The following LRP1B variants were observed in gnomAD, a reference collection of about 807,000 sequenced individuals.
The protein encoded by LRP1B is low-density lipoprotein receptor-related protein 1B.
Under a neutral mutation model 556.6 loss-of-function variants are expected in LRP1B, and 217 were observed. The observed-to-expected ratio is 0.39, with a 90% CI of 0.35 to 0.44. The LOEUF is 0.44. LRP1B is among the 20% of genes least tolerant of loss of function. The pLI is 1.00. For synonymous variants in LRP1B, 2,047 were observed against 1,865.8 expected (o/e 1.10, Z -2.50); for missense variants, 5,053 against 5,620.8 (o/e 0.90, Z 3.23).
At chr2:141,468,250 G>C (rs1011030699) in intron 3 of LRP1B, among the ~76,000 whole-genome samples, 40 of 152,146 alleles carry the variant, frequency 2.6e-4, no homozygotes, top group Admixed American at 2.6e-4. Context: ...TGGAACTGAA[G>C]TCATTGGCGG....
chr2:141,560,186 A>C (rs1445102799), intron 2 of LRP1B, among the ~76,000 whole-genome samples: 1 of 151,742 alleles, frequency 6.6e-6, no homozygotes, highest in Non-Finnish European at 1.5e-5. Context: ...TAGCTACCTA[A>C]CTATTCCATC....
chr2:140,286,451 C>G (rs1440899177), intron 84 of LRP1B, among the ~76,000 whole-genome samples: 1 of 151,782 alleles, frequency 6.6e-6, no homozygotes, highest in Non-Finnish European at 1.5e-5. Flanking sequence ...AAAACAGACA[C>G]TCAGATGCTG....
intron 3 of LRP1B, among the ~76,000 whole-genome samples, chr2:141,261,043 T>G (rs182410833): frequency 6.6e-6 from 1 of 152,182 alleles, no homozygotes; most frequent in Non-Finnish European, 1.5e-5. Context: ...ATTGAAAAGC[T>G]GACACAGCTA....
At chr2:141,320,325 G>A (rs1428271988) in intron 3 of LRP1B, among the ~76,000 whole-genome samples, 5 of 152,004 alleles carry the variant, frequency 3.3e-5, no homozygotes, top group African/African-American at 1.2e-4. Context: ...TGAGTGCGCA[G>A]TAAGGAAATA....
At chr2:141,335,966 T>G (rs955711541) in intron 3 of LRP1B, among the ~76,000 whole-genome samples, 1 of 152,054 alleles carries the variant, frequency 6.6e-6, no homozygotes, top group Non-Finnish European at 1.5e-5. Flanking sequence ...AACACATATG[T>G]TTTTACTTGT....
At chr2:140,398,557 C>A (rs1684356787) in intron 66 of LRP1B, among the ~76,000 whole-genome samples, 1 of 142,404 alleles carries the variant, frequency 7.0e-6, no homozygotes, top group African/African-American at 2.6e-5. Context: ...GAAAGGGTGT[C>A]TTCCTGTTAC....
chr2:141,316,425 C>T lies in LRP1B; in HGVS notation c.344-61784G>A, dbSNP rs188738751. Among the ~76,000 whole-genome samples, 611 of 152,168 alleles carry T rather than the reference C, an allele frequency of 4.0e-3. 2 individuals are homozygous for T. The highest frequency in any genetic ancestry group is 0.014 in the African/African-American group (562 of 41,476). On this transcript the variant is annotated intron_variant, in intron 3 of 90. Coordinates refer to ENST00000389484, the MANE Select transcript of LRP1B (RefSeq NM_018557.3). ...AGAGTTTTCAATATCCTTTTCATTT[C>T]CATTGTATCACTTTAAAAGAGAACA...
intron 89 of LRP1B, among the ~76,000 whole-genome samples, chr2:140,235,236 C>T (rs998357375): frequency 6.6e-6 from 1 of 151,088 alleles, no homozygotes; most frequent in Non-Finnish European, 1.5e-5. Context: ...TCTGTGGTTA[C>T]CCCCATAGTC....
At chr2:141,740,692 C>T (rs983428981) in intron 2 of LRP1B, among the ~76,000 whole-genome samples, 1 of 152,140 alleles carries the variant, frequency 6.6e-6, no homozygotes, top group Non-Finnish European at 1.5e-5. Flanking sequence ...TTCATTCTTT[C>T]TAGCAATTGC....
rs761868923 is a variant in LRP1B, at chr2:140,525,859, C to T, written c.8011G>A (p.Glu2671Lys). Residue 2671 changes from glutamate (E) to lysine (K), a missense_variant, in exon 49 of 91, where the codon GAA becomes AAA. Coordinates refer to ENST00000389484, the MANE Select transcript of LRP1B (RefSeq NM_018557.3). ...CTAGTATTACCTGGGCACTTTAATTCATCTGAATAGTCTCCACAGTCATTA... is the reference window on the plus strand; with the variant it reads ...CTAGTATTACCTGGGCACTTTAATTTATCTGAATAGTCTCCACAGTCATTA... ...GSNDCGDYSD[E>K]LKCPVQNKHK... 6.2e-7 allele frequency: 1 copy of T among 1,611,676 alleles called. No individual in the cohort carries two copies. Among genetic ancestry groups the T allele is most frequent in the Non-Finnish European group, 8.5e-7 (1 of 1,178,528 alleles).
At chr2:140,470,826 T>C (rs563828411) in intron 60 of LRP1B, among the ~76,000 whole-genome samples, 1 of 152,150 alleles carries the variant, frequency 6.6e-6, no homozygotes, top group South Asian at 2.1e-4. Context: ...TGTTCAGGGT[T>C]AATAAGCTAG....
Position 140,776,088 on chromosome 2 carries a change from T to C in LRP1B, c.5500+10A>G, listed in dbSNP as rs559298031. 8 of 1,548,280 alleles carry C rather than the reference T, an allele frequency of 5.2e-6. No homozygotes were observed. The African/African-American group carries it at 7.2e-5, about 14-fold the overall frequency. On this transcript the variant is annotated intron_variant, in intron 33 of 90. Coordinates refer to ENST00000389484, the MANE Select transcript of LRP1B (RefSeq NM_018557.3). Reference sequence around the variant, plus strand: ...TCAAGACCTGGCACAAATTCATTAGTGTGATTTACCTTGCTGTGCTTCTTT... The same window carrying C: ...TCAAGACCTGGCACAAATTCATTAGCGTGATTTACCTTGCTGTGCTTCTTT...
chr2:140,706,960 T>A (rs901673783), intron 37 of LRP1B, among the ~76,000 whole-genome samples: 7 of 152,004 alleles, frequency 4.6e-5, no homozygotes, highest in Admixed American at 4.6e-4. Context: ...GTGAGAAGGG[T>A]AATGGAGTGA....
intron 41 of LRP1B, among the ~76,000 whole-genome samples, chr2:140,660,713 C>T (rs1463005641): frequency 6.6e-6 from 1 of 152,044 alleles, no homozygotes; most frequent in African/African-American, 2.4e-5. Flanking sequence ...CTTTCATTTA[C>T]TAGATACACA....
chr2:142,024,216 A>G (rs1703432853), intron 1 of LRP1B, among the ~76,000 whole-genome samples: 1 of 152,224 alleles, frequency 6.6e-6, no homozygotes, highest in Admixed American at 6.5e-5. Flanking sequence ...ATCATTTGTT[A>G]TAACCATTAA....
chr2:140,517,599 A>G (rs1449829644), intron 49 of LRP1B, among the ~76,000 whole-genome samples: 1 of 152,036 alleles, frequency 6.6e-6, no homozygotes, highest in Non-Finnish European at 1.5e-5. Flanking sequence ...ATCATAAAAA[A>G]GTACCTGTAT....
chr2:141,111,361 A>G (rs1700745212), intron 7 of LRP1B, among the ~76,000 whole-genome samples: 1 of 51,618 alleles, frequency 1.9e-5, no homozygotes, highest in South Asian at 7.2e-4. Context: ...GTTAATCCTC[A>G]TTATTCAGAT....
chr2:141,304,410 T>C (rs1265787553), intron 3 of LRP1B, among the ~76,000 whole-genome samples: 2 of 151,802 alleles, frequency 1.3e-5, no homozygotes, highest in Non-Finnish European at 2.9e-5. Context: ...TTTTATAGTT[T>C]CATGTCTCTA....
intron 11 of LRP1B, among the ~76,000 whole-genome samples, chr2:141,039,863 T>C (rs1242860762): frequency 6.6e-6 from 1 of 152,098 alleles, no homozygotes; most frequent in Non-Finnish European, 1.5e-5. Context: ...CAAATTACTT[T>C]TCAAACATCT....
Sources: allele counts gnomAD v4.1 joint callset (sites outside exome capture counted in the v4.1 genomes callset), GRCh38; gene constraint gnomAD v4.1.1; transcripts MANE v1.5; gene names NCBI Gene and HGNC (gene_info 2026-07-23, HGNC 2026-07-21).